The following MRE11 variants were observed in gnomAD, a reference collection of about 807,000 sequenced individuals.
MRE11 encodes the protein MRE11 double strand break repair nuclease.
A neutral mutation model predicts 91.7 loss-of-function variants in MRE11; 62 were observed. The ratio of observed to expected loss-of-function variants is 0.68; its 90% CI spans 0.55 to 0.84. The LOEUF (loss-of-function observed/expected upper bound fraction) is 0.84. MRE11 is among the 40% of genes least tolerant of loss of function. The probability of loss-of-function intolerance (pLI) is 0.00; values close to 1 mark genes in which losing one functional copy is unlikely to be tolerated. For synonymous variants in MRE11, 273 were observed against 271.4 expected, an observed-to-expected ratio of 1.01 and a Z score of -0.06; for missense variants, 796 against 852.9, an observed-to-expected ratio of 0.93 and a Z score of 0.83.
At chr11:94,447,169 C>T in intron 15 of MRE11, 50 bp downstream of exon 15, 2 of 1,536,064 alleles carry the variant, frequency 1.3e-6, no homozygotes, top group Non-Finnish European at 8.9e-7. Flanking sequence ...TCTGTATTTT[C>T]CACTCAACTG....
At chr11:94,431,001 C>T (rs530392748) in intron 18 of MRE11, among the ~76,000 whole-genome samples, 3 of 152,044 alleles carry the variant, frequency 2.0e-5, no homozygotes, top group Non-Finnish European at 4.4e-5. Context: ...CTTGACCTGC[C>T]GAGCCTAAAA....
At chr11:94,483,400 G>A (rs936052193) in intron 4 of MRE11, among the ~76,000 whole-genome samples, 5 of 152,146 alleles carry the variant, frequency 3.3e-5, no homozygotes, top group Admixed American at 2.0e-4. Context: ...TAATTCCCAC[G>A]TGTTATGGGA....
At chr11:94,452,298 A>G (rs1946131510) in intron 14 of MRE11, among the ~76,000 whole-genome samples, 1 of 152,116 alleles carries the variant, frequency 6.6e-6, no homozygotes, top group African/African-American at 2.4e-5. Context: ...AATGATTTAT[A>G]AACATAAAAA....
intron 3 of MRE11, 55 bp from the exon 4 acceptor site, chr11:94,486,139 T>C: frequency 6.4e-7 from 1 of 1,566,272 alleles, no homozygotes; most frequent in South Asian, 1.1e-5. Flanking sequence ...AAAATTTTTG[T>C]AAACTACAGA....
chr11:94,469,685 T>C (rs1377082381), intron 9 of MRE11, among the ~76,000 whole-genome samples: 1 of 152,158 alleles, frequency 6.6e-6, no homozygotes, highest in East Asian at 1.9e-4. Flanking sequence ...AAACTATAGA[T>C]GGTAGAAACT....
chr11:94,498,541 G>A (rs1947450674), upstream of MRE11: 4 of 1,594,910 alleles, frequency 2.5e-6, no homozygotes, highest in Non-Finnish European at 3.4e-6. Context: ...AACAATTCTA[G>A]TAATTTTCCT....
At chr11:94,485,510 A>AAAAAAAATCTC (rs1947117698) in intron 4 of MRE11, among the ~76,000 whole-genome samples, 1 of 151,448 alleles carries the variant, frequency 6.6e-6, no homozygotes, top group South Asian at 2.1e-4. Context: ...AAAAACAAAC[A>AAAAAAAATCTC]AAAAAATCTC....
intron 14 of MRE11, among the ~76,000 whole-genome samples, chr11:94,451,978 G>C (rs1219516883): frequency 6.6e-6 from 1 of 152,100 alleles, no homozygotes; most frequent in African/African-American, 2.4e-5. Flanking sequence ...GGCCGAGGCG[G>C]GTGGATCACC....
chr11:94,444,837 A>AAATT (rs148836142), intron 16 of MRE11, among the ~76,000 whole-genome samples: 11,293 of 151,406 alleles, frequency 0.075, 477 homozygotes, highest in Admixed American at 0.12. Flanking sequence ...AATATTTAAA[A>AAATT]AATATTTATA....
chr11:94,470,189 T>C (rs146493483), intron 9 of MRE11, among the ~76,000 whole-genome samples: 4 of 151,924 alleles, frequency 2.6e-5, no homozygotes, highest in Non-Finnish European at 5.9e-5. Flanking sequence ...CAAATCAGGA[T>C]TAAAAAGGAG....
intron 7 of MRE11, chr11:94,475,413 A>AC (rs1216896055): frequency 3.0e-6 from 1 of 329,048 alleles, no homozygotes; most frequent in Non-Finnish European, 6.1e-6. Context: ...TGGACCGAAC[A>AC]CCCCCCGTGG....
At chr11:94,498,195 T>C, upstream of MRE11, 1 of 1,614,208 alleles carries the variant, frequency 6.2e-7, no homozygotes. Context: ...CAGGAGCTCA[T>C]TGCACAGGGG....
chr11:94,481,107 G>A lies in MRE11; in HGVS notation c.315-1346C>T, dbSNP rs185780924. On this transcript the variant is annotated intron_variant, in intron 4 of 19. Coordinates refer to ENST00000323929, the MANE Select transcript of MRE11 (RefSeq NM_005591.4). ...GCAGATCACCTGAGGTCAGGAGTTC[G>A]AGATGAGCCTGGCCAACATGGTGAA... 2.8e-3 allele frequency among the ~76,000 whole-genome samples: 424 copies of A among 152,172 alleles called. 2 individuals are homozygous for A. Among genetic ancestry groups the A allele is most frequent in the African/African-American group, 9.4e-3 (391 of 41,504 alleles).
At chr11:94,502,638 A>G in the MRE11 span, among the ~76,000 whole-genome samples, 1 of 152,120 alleles carries the variant, frequency 6.6e-6, no homozygotes, top group Non-Finnish European at 1.5e-5. Context: ...TATGTTGTAC[A>G]TAGGCTATAA....
rs1228681022 is a variant in MRE11, at chr11:94,470,481, C to G, written c.1007G>C (p.Cys336Ser). 1 of 1,612,842 alleles carries G rather than the reference C, an allele frequency of 6.2e-7. No individual in the cohort carries two copies. The highest frequency in any genetic ancestry group is 8.5e-7 in the Non-Finnish European group (1 of 1,179,104). ...PKVTQAIQSF[C>S]LEKIEEMLEN... ...ATCAAAAAGAATTACCTTCTCCAAA[C>G]AGAAGCTTTGTATGGCTTGGGTTAC... is the stretch of plus-strand genomic sequence containing the variant. The change falls in exon 9 of 20, where the codon TGT (cysteine) becomes TCT (serine). Residue 336 changes from cysteine (C) to serine (S), a missense_variant. Cys to Ser is a moderately radical substitution (Grantham distance 112). Transcript: ENST00000323929.
intron 16 of MRE11, among the ~76,000 whole-genome samples, chr11:94,439,757 C>G (rs1054852141): frequency 1.3e-5 from 2 of 152,182 alleles, no homozygotes; most frequent in African/African-American, 2.4e-5. Flanking sequence ...ATTGTCCCAT[C>G]CTACAGATGA....
intron 19 of MRE11, among the ~76,000 whole-genome samples, chr11:94,428,215 C>T (rs1026169743): frequency 3.9e-5 from 6 of 152,098 alleles, no homozygotes; most frequent in Admixed American, 3.9e-4. Context: ...TGGAACAGAA[C>T]AGAGAACTCA....
At chr11:94,492,551 C>T in intron 2 of MRE11, 2 of 706,330 alleles carry the variant, frequency 2.8e-6, no homozygotes, top group South Asian at 3.5e-5. Context: ...AATACTATAT[C>T]AATATATCAA....
At chr11:94,423,861 G>C (rs571417258) in intron 19 of MRE11, among the ~76,000 whole-genome samples, 1 of 152,330 alleles carries the variant, frequency 6.6e-6, no homozygotes, top group South Asian at 2.1e-4. Flanking sequence ...CACTCAAGTA[G>C]GGGAGAAATC....
Sources: allele counts gnomAD v4.1 joint callset (sites outside exome capture counted in the v4.1 genomes callset), GRCh38; gene constraint gnomAD v4.1.1; transcripts MANE v1.5; gene names NCBI Gene and HGNC (gene_info 2026-07-23, HGNC 2026-07-21).